The following MCOLN2 variants were observed in gnomAD, a reference collection of about 807,000 sequenced individuals.
MCOLN2 encodes mucolipin TRP cation channel 2.
Under a neutral mutation model 67.5 loss-of-function variants are expected in MCOLN2, and 57 were observed. The ratio of observed to expected loss-of-function variants is 0.84; its 90% CI spans 0.68 to 1.05. The LOEUF (loss-of-function observed/expected upper bound fraction) is 1.05, where lower values mean the gene tolerates loss of function less well. MCOLN2 is among the 50% of genes least tolerant of loss of function. MCOLN2 has a pLI of 0.00. For synonymous variants in MCOLN2, 246 were observed against 233.3 expected (o/e 1.05, Z -0.50); for missense variants, 620 against 678.8 (o/e 0.91, Z 0.96).
intron 4 of MCOLN2, 140 bp downstream of exon 4, chr1:84,956,291 G>T: frequency 1.4e-6 from 1 of 722,884 alleles, no homozygotes; most frequent in Non-Finnish European, 2.3e-6. Flanking sequence ...CCCTCTGCAG[G>T]CCAGTGTTGG....
At chr1:84,954,252 A>G (rs908655067) in intron 4 of MCOLN2, among the ~76,000 whole-genome samples, 13 of 152,198 alleles carry the variant, frequency 8.5e-5, no homozygotes, top group African/African-American at 3.1e-4. Flanking sequence ...TAGACACAAT[A>G]TTTTTAAAAG....
chr1:84,937,974 T>A lies in MCOLN2; in HGVS notation c.1212+7A>T. On this transcript the variant is annotated splice_region_variant and intron_variant, in intron 10 of 13. Coordinates refer to ENST00000370608, the MANE Select transcript of MCOLN2 (RefSeq NM_153259.4). ...TGCAGTGGCACTACCCGGTGCCGCA[T>A]CCTTACATTATATGCCTGGAAATAA... 1 of 1,612,884 alleles carries A rather than the reference T, an allele frequency of 6.2e-7. No homozygotes were observed. Among genetic ancestry groups the A allele is most frequent in the Non-Finnish European group, 8.5e-7 (1 of 1,178,848 alleles).
chr1:84,946,128 G>A (rs945913965), intron 7 of MCOLN2, among the ~76,000 whole-genome samples: 1 of 152,204 alleles, frequency 6.6e-6, no homozygotes, highest in Non-Finnish European at 1.5e-5. Context: ...TGCAGCGGTT[G>A]CTGTCTGGGC....
chr1:84,949,624 A>T (rs530418830), intron 6 of MCOLN2, among the ~76,000 whole-genome samples: 16 of 152,298 alleles, frequency 1.1e-4, no homozygotes, highest in African/African-American at 3.8e-4. Context: ...CAGCCTGGGC[A>T]ACAGAGCAAG....
In MCOLN2 at chr1:84,926,128, T is replaced by G. The variant is rs1222411790; in HGVS notation, c.*557A>C. 6.6e-6 allele frequency: 1 copy of G among 152,520 alleles called. No individual in the cohort carries two copies. Among genetic ancestry groups the G allele is most frequent in the Non-Finnish European group, 1.5e-5 (1 of 68,356 alleles). 9.4% of individuals were successfully genotyped at this position (152,520 alleles called of 1,614,324 possible). Reference sequence around the variant, plus strand: ...TGGTCTCAAGCTCCTGAGCTCAGTCTGCCTGCCTAGGCCTCCCAAAGTGCT... The same window carrying G: ...TGGTCTCAAGCTCCTGAGCTCAGTCGGCCTGCCTAGGCCTCCCAAAGTGCT... On this transcript the variant is annotated 3_prime_UTR_variant, in exon 14 of 14. Transcript: ENST00000370608.
rs1557666009 is a variant in MCOLN2 at position 84,987,580 on chromosome 1, A to AT, written c.77+9215_77+9216insA. Among the ~76,000 whole-genome samples the AT allele has an allele frequency of 8.4e-5, 4 of 47,624 alleles. 2 individuals carry two copies. Among genetic ancestry groups the AT allele is most frequent in the Non-Finnish European group, 1.6e-4 (4 of 25,194 alleles). The allele number at this position is 47,624 out of a possible 152,430, so 31.2% of individuals were successfully genotyped here. On this transcript the variant is annotated intron_variant, in intron 1 of 13. Coordinates refer to ENST00000370608, the MANE Select transcript of MCOLN2 (RefSeq NM_153259.4). Reference sequence around the variant, plus strand: ...TCTATGTATACATAGATGTATACATAGATATATACATATGTATATAGATGT... The same window carrying AT: ...TCTATGTATACATAGATGTATACATATGATATATACATATGTATATAGATGT...
At chr1:84,944,864 C>T (rs1166241898) in intron 7 of MCOLN2, among the ~76,000 whole-genome samples, 1 of 152,148 alleles carries the variant, frequency 6.6e-6, no homozygotes. Flanking sequence ...CAGATGTCGC[C>T]CTTGTCCTTG....
intron 1 of MCOLN2, among the ~76,000 whole-genome samples, chr1:84,992,752 T>TAA (rs35528034): frequency 3.9e-4 from 55 of 142,530 alleles, no homozygotes; most frequent in East Asian, 2.2e-4. Flanking sequence ...GCATTATGTC[T>TAA]AAAAAAACCA....
chr1:84,982,545 A>G (rs1313636275), intron 1 of MCOLN2, among the ~76,000 whole-genome samples: 1 of 152,220 alleles, frequency 6.6e-6, no homozygotes, highest in Non-Finnish European at 1.5e-5. Context: ...ATGAATACGT[A>G]TTTAGAGAGG....
chr1:84,931,629 T>C, intron 11 of MCOLN2, 61 bp from the exon 12 acceptor site: 4 of 1,363,250 alleles, frequency 2.9e-6, no homozygotes, highest in African/African-American at 2.9e-5. Context: ...AGAGGATATC[T>C]AGTTAGCTTG....
At chr1:84,931,255 T>A in intron 12 of MCOLN2, 107 bp downstream of exon 12, 2 of 777,718 alleles carry the variant, frequency 2.6e-6, no homozygotes. Context: ...CCACAAAACC[T>A]CAAAATCTGA....
intron 11 of MCOLN2, among the ~76,000 whole-genome samples, 170 bp from the exon 12 acceptor site, chr1:84,931,738 C>G (rs1457665424): frequency 6.6e-6 from 1 of 152,000 alleles, no homozygotes; most frequent in Admixed American, 6.6e-5. Flanking sequence ...TCAAAAACCC[C>G]CTCTGGGCCA....
chr1:84,991,348 A>T (rs1227978315), intron 1 of MCOLN2, among the ~76,000 whole-genome samples: 1 of 152,172 alleles, frequency 6.6e-6, no homozygotes, highest in African/African-American at 2.4e-5. Flanking sequence ...ACCATTCCTA[A>T]CAACTCGCAC....
chr1:84,996,914 A>G lies in MCOLN2; in HGVS notation c.-42T>C. 1 of 1,552,794 alleles carries G rather than the reference A, an allele frequency of 6.4e-7. No homozygotes were observed. The highest frequency in any genetic ancestry group is 1.1e-5 in the South Asian group (1 of 89,640). ...CTTTCCAGGGCTCTCGGGATTCGGA[A>G]CAGGAAACACCGTTCACGGCCGACT... On this transcript the variant is annotated 5_prime_UTR_variant, in exon 1 of 14. Transcript: ENST00000370608.
chr1:84,992,671 A>C (rs1489671475), intron 1 of MCOLN2, among the ~76,000 whole-genome samples: 1 of 152,246 alleles, frequency 6.6e-6, no homozygotes, highest in Non-Finnish European at 1.5e-5. Context: ...CAAGTCACAC[A>C]AATTTTTTGG....
intron 1 of MCOLN2, among the ~76,000 whole-genome samples, chr1:84,995,663 A>C (rs1651106883): frequency 6.6e-6 from 1 of 152,200 alleles, no homozygotes; most frequent in Non-Finnish European, 1.5e-5. Flanking sequence ...TCACTGACAG[A>C]GACATAGCCA....
intron 3 of MCOLN2, among the ~76,000 whole-genome samples, chr1:84,957,184 T>G (rs945265602): frequency 3.3e-5 from 5 of 152,194 alleles, no homozygotes; most frequent in African/African-American, 1.2e-4. Flanking sequence ...CATCCATCAC[T>G]GCACCCAGGT....
intron 12 of MCOLN2, among the ~76,000 whole-genome samples, chr1:84,930,269 TA>T (rs560944691): frequency 0.032 from 4,598 of 143,398 alleles, 224 homozygotes; most frequent in African/African-American, 0.1. Context: ...TCTCTTTTTT[TA>T]AAAAAAAAAA....
rs557044098 is a variant in MCOLN2 at position 84,929,924 on chromosome 1, G to A, written c.1543-245C>T. 18 of 252,980 alleles carry A rather than the reference G, an allele frequency of 7.1e-5. No individual in the cohort carries two copies. In the South Asian group the frequency reaches 1.5e-3, roughly 21 times the overall value. 15.7% of individuals were successfully genotyped at this position (252,980 alleles called of 1,614,324 possible). A position where few individuals can be genotyped will look rare whatever the true frequency, so the allele number is the denominator to read the frequency against. On this transcript the variant is annotated intron_variant, in intron 12 of 13. Coordinates refer to ENST00000370608, the MANE Select transcript of MCOLN2 (RefSeq NM_153259.4). ...AGAAAGCAGAGAAGAGCCAGGGAGA[G>A]GTTTTTTTTAAAAAAAAAAAAGGTA... is the stretch of plus-strand genomic sequence containing the variant.
Sources: allele counts gnomAD v4.1 joint callset (sites outside exome capture counted in the v4.1 genomes callset), GRCh38; gene constraint gnomAD v4.1.1; transcripts MANE v1.5; gene names NCBI Gene and HGNC (gene_info 2026-07-23, HGNC 2026-07-21).